RBFOX1: variants seen among roughly 807,000 people sequenced by gnomAD.
RBFOX1 encodes RNA binding fox-1 homolog 1.
Under a neutral mutation model 57.7 loss-of-function variants are expected in RBFOX1, and 8 were observed. The ratio of observed to expected loss-of-function variants is 0.14; its 90% CI spans 0.08 to 0.25. The LOEUF is 0.25. Ranked by LOEUF, RBFOX1 falls within the 10% of genes least tolerant of loss-of-function variation. RBFOX1 has a pLI of 1.00. For synonymous variants in RBFOX1, 326 were observed against 222.4 expected (o/e 1.47, Z -4.15); for missense variants, 611 against 548.5 (o/e 1.11, Z -1.14).
intron 2 of RBFOX1, among the ~76,000 whole-genome samples, chr16:6,374,962 G>T (rs954704946): frequency 1.3e-5 from 2 of 152,328 alleles, no homozygotes; most frequent in Non-Finnish European, 2.9e-5. Flanking sequence ...TTCGCCTGAG[G>T]AAGTGTGAAA....
intron 1 of RBFOX1, among the ~76,000 whole-genome samples, chr16:5,369,394 A>G (rs1180985327): frequency 6.6e-6 from 1 of 152,230 alleles, no homozygotes; most frequent in Non-Finnish European, 1.5e-5. Context: ...TGGAATAGCC[A>G]GGGACCAGCA....
chr16:6,739,893 G>A (rs1170259113), intron 3 of RBFOX1, among the ~76,000 whole-genome samples: 1 of 151,800 alleles, frequency 6.6e-6, no homozygotes, highest in African/African-American at 2.4e-5. Flanking sequence ...AAAACGTGGT[G>A]GTCCACATTC....
chr16:7,001,149 C>CA (rs1275321851), intron 3 of RBFOX1, among the ~76,000 whole-genome samples: 1 of 152,004 alleles, frequency 6.6e-6, no homozygotes, highest in Non-Finnish European at 1.5e-5. Flanking sequence ...TTTTCAAATC[C>CA]GTTTGAGTTA....
At chr16:6,895,813 G>C (rs146951054) in intron 3 of RBFOX1, among the ~76,000 whole-genome samples, 130 of 152,144 alleles carry the variant, frequency 8.5e-4, no homozygotes, top group African/African-American at 2.8e-3. Context: ...TGAGACTTGA[G>C]CAATTTGTTT....
chr16:6,532,191 T>C lies in RBFOX1; in HGVS notation c.-63-122412T>C, dbSNP rs1048151185. On this transcript the variant is annotated intron_variant, in intron 2 of 15. Coordinates refer to ENST00000550418, the MANE Select transcript of RBFOX1 (RefSeq NM_018723.4). ...GTCAAAGAAAGTTCCTTTAGGAAAC[T>C]CTTTATCTTCCAGAGTGGGAAGGCA... is the stretch of plus-strand genomic sequence containing the variant. Among the ~76,000 whole-genome samples the C allele has an allele frequency of 1.8e-4, 28 of 152,156 alleles. 1 individual carries two copies.
chr16:5,981,776 G>A (rs2060178707), intron 4 of RBFOX1, among the ~76,000 whole-genome samples: 1 of 152,170 alleles, frequency 6.6e-6, no homozygotes, highest in African/African-American at 2.4e-5. Flanking sequence ...GCCGTGTGAT[G>A]TTTTAAAACG....
chr16:7,013,618 C>T (rs756430095), intron 3 of RBFOX1, among the ~76,000 whole-genome samples: 1 of 152,164 alleles, frequency 6.6e-6, no homozygotes, highest in Admixed American at 6.5e-5. Flanking sequence ...GTTATATTAC[C>T]TGGAATCAGG....
At chr16:7,568,751 G>C (rs1332945807) in intron 5 of RBFOX1, among the ~76,000 whole-genome samples, 1 of 151,900 alleles carries the variant, frequency 6.6e-6, no homozygotes, top group African/African-American at 2.4e-5. Context: ...GCCGGGCATG[G>C]TGGCGGGCAC....
chr16:5,881,517 C>G (rs1597620132), intron 4 of RBFOX1, among the ~76,000 whole-genome samples: 1 of 151,800 alleles, frequency 6.6e-6, no homozygotes, highest in South Asian at 2.1e-4. Context: ...CTGTCTGTAC[C>G]AAAAATACAA....
At chr16:6,259,090 G>C (rs1384112617) in intron 1 of RBFOX1, among the ~76,000 whole-genome samples, 2 of 152,132 alleles carry the variant, frequency 1.3e-5, no homozygotes, top group Non-Finnish European at 2.9e-5. Flanking sequence ...TACTATGTCA[G>C]ACAGGAAATC....
chr16:6,780,073 T>A lies in RBFOX1; in HGVS notation c.-16+125423T>A, dbSNP rs1485572453. ...CATATTTATATATATTTATATATAT[T>A]TACATATTTATATATATTTATATAT... On this transcript the variant is annotated intron_variant, in intron 3 of 15. Coordinates refer to ENST00000550418, the MANE Select transcript of RBFOX1 (RefSeq NM_018723.4). Among the ~76,000 whole-genome samples, 8 of 7,752 alleles carry A rather than the reference T, an allele frequency of 1.0e-3. 1 individual carries two copies. Among genetic ancestry groups the A allele is most frequent in the African/African-American group, 2.6e-3 (3 of 1,156 alleles). 5.1% of individuals were successfully genotyped at this position (7,752 alleles called of 152,430 possible).
chr16:7,401,340 A>G (rs1370327989), intron 4 of RBFOX1, among the ~76,000 whole-genome samples: 1 of 152,222 alleles, frequency 6.6e-6, no homozygotes, highest in African/African-American at 2.4e-5. Flanking sequence ...TCAAGGAGGT[A>G]AACTTTGTTG....
At chr16:7,564,304 C>G (rs1391597582) in intron 5 of RBFOX1, among the ~76,000 whole-genome samples, 2 of 152,004 alleles carry the variant, frequency 1.3e-5, no homozygotes, top group African/African-American at 4.8e-5. Flanking sequence ...CTTTGGGACG[C>G]AGAGGTGGGT....
chr16:6,616,670 G>C (rs888413237), intron 2 of RBFOX1, among the ~76,000 whole-genome samples: 1 of 152,178 alleles, frequency 6.6e-6, no homozygotes, highest in African/African-American at 2.4e-5. Flanking sequence ...GCAAGACTCA[G>C]GTGATCTACC....
chr16:6,039,307 AC>A (rs1340492103), intron 1 of RBFOX1, among the ~76,000 whole-genome samples: 1 of 150,970 alleles, frequency 6.6e-6, no homozygotes, highest in Non-Finnish European at 1.5e-5. Flanking sequence ...GGAATTTGGC[AC>A]AAAAATCTGA....
downstream of RBFOX1, chr16:5,601,101 G>C (rs184971294): frequency 5.3e-5 from 8 of 152,296 alleles, no homozygotes; most frequent in Admixed American, 2.6e-4. Context: ...TATTGTATTG[G>C]CTGTCTCTTG....
intron 1 of RBFOX1, among the ~76,000 whole-genome samples, chr16:6,171,351 A>G (rs1448715336): frequency 6.6e-6 from 1 of 152,208 alleles, no homozygotes; most frequent in Non-Finnish European, 1.5e-5. Context: ...TTGAGCATTT[A>G]GGTTGTTCTC....
At chr16:5,844,394 G>A (rs2056699020) in intron 3 of RBFOX1, among the ~76,000 whole-genome samples, 1 of 152,164 alleles carries the variant, frequency 6.6e-6, no homozygotes, top group Non-Finnish European at 1.5e-5. Flanking sequence ...TCCCACAAGG[G>A]TAAAGAATGG....
intron 2 of RBFOX1, among the ~76,000 whole-genome samples, chr16:6,498,797 G>A (rs1419930248): frequency 1.3e-5 from 2 of 152,142 alleles, no homozygotes; most frequent in Admixed American, 6.5e-5. Context: ...AGGAAAGATA[G>A]TGTTATTCCC....
Sources: allele counts gnomAD v4.1 joint callset (sites outside exome capture counted in the v4.1 genomes callset), GRCh38; gene constraint gnomAD v4.1.1; transcripts MANE v1.5; gene names NCBI Gene and HGNC (gene_info 2026-07-23, HGNC 2026-07-21).